Variants in SPTB observed in about 807,000 individuals in gnomAD.
SPTB encodes the protein spectrin beta, erythrocytic, also known as spectrin beta chain, erythrocytic.
A neutral mutation model predicts 256.2 loss-of-function variants in SPTB; 45 were observed. The ratio of observed to expected loss-of-function variants is 0.18; its 90% confidence interval spans 0.14 to 0.23. The LOEUF is 0.23. Ranked by LOEUF, SPTB falls within the 10% of genes least tolerant of loss-of-function variation. The probability of loss-of-function intolerance (pLI) is 1.00; values close to 1 mark genes in which losing one functional copy is unlikely to be tolerated. For synonymous variants in SPTB, 1,231 were observed against 1,243.1 expected (o/e 0.99, Z 0.21); for missense variants, 2,715 against 3,040.4 (o/e 0.89, Z 2.52).
At position 64,766,739 on chromosome 14, in the gene SPTB, T is replaced by C; in HGVS notation, c.6332A>G (p.Glu2111Gly). ...EAPVSHHAATERTSPGEEEGT... is the reference protein window; with the variant it reads ...EAPVSHHAATGRTSPGEEEGT... ...CCAGAGACTGACCGGGGACGTTCTC[T>C]CGGTGGCCGCATGGTGGGAAACTGG... The change falls in exon 32 of 36, where the codon GAG becomes GGG. Residue 2111 changes from glutamate to glycine, a missense_variant. Glu to Gly is a moderately conservative substitution (Grantham distance 98). Around this residue, in one of 4 missense-constraint regions of SPTB, gnomAD observed 2,239 missense variants for 2,384.4 expected, o/e 0.94. Coordinates refer to ENST00000644917, the MANE Select transcript of SPTB (RefSeq NM_001355436.2). 1.9e-6 allele frequency: 3 copies of C among 1,613,294 alleles called. No individual in the cohort carries two copies. The highest frequency in any genetic ancestry group is 2.5e-6 in the Non-Finnish European group (3 of 1,179,936).
At chr14:64,855,965 C>T (rs1180080782) in intron 1 of SPTB, among the ~76,000 whole-genome samples, 7 of 152,210 alleles carry the variant, frequency 4.6e-5, no homozygotes, top group Non-Finnish European at 8.8e-5. Flanking sequence ...TGCAGAGCTG[C>T]GGAAGCACTG....
chr14:64,848,501 T>C (rs1347064349), intron 1 of SPTB, among the ~76,000 whole-genome samples: 2 of 152,220 alleles, frequency 1.3e-5, no homozygotes, highest in African/African-American at 2.4e-5. Flanking sequence ...TTTCAGCTCA[T>C]GGTTGAAATA....
intron 4 of SPTB, 49 bp downstream of exon 4, chr14:64,803,558 G>T: frequency 6.2e-7 from 1 of 1,609,564 alleles, no homozygotes; most frequent in Non-Finnish European, 8.5e-7. Context: ...CTAAGGCCCT[G>T]GGCAGCCTTG....
Position 64,793,637 on chromosome 14 carries a change from G to C in SPTB, c.2026C>G (p.Gln676Glu). The change falls in exon 14 of 36, where the codon CAG becomes GAG. Residue 676 changes from glutamine to glutamate, a missense_variant. Gln to Glu is a conservative substitution (Grantham distance 29, BLOSUM62 2). Around this residue, in one of 4 missense-constraint regions of SPTB, gnomAD observed 2,239 missense variants for 2,384.4 expected, o/e 0.94. Transcript: ENST00000644917. This position sits in a 1 kb window ranked among gnomAD's most constrained non-coding sequence, Gnocchi z 7.0. The stretch of plus-strand genomic sequence containing the variant: ...TCCTCAAAGGCCTTGTGCTTGCGCT[G>C]TAAGATGAGCACACTGGTCAGGTCT... ...GKDLTSVLILQRKHKAFEDEL... is the reference protein window; with the variant it reads ...GKDLTSVLILERKHKAFEDEL... 6.2e-7 allele frequency: 1 copy of C among 1,614,184 alleles called. No individual in the cohort carries two copies. The highest frequency in any genetic ancestry group is 8.5e-7 in the Non-Finnish European group (1 of 1,180,048).
intron 8 of SPTB, 105 bp downstream of exon 8, chr14:64,800,651 G>A: frequency 1.0e-6 from 1 of 979,536 alleles, no homozygotes. Context: ...TTGGGGGGTG[G>A]GTGAGCTGTA....
At chr14:64,839,925 A>G (rs1366113334) in intron 1 of SPTB, among the ~76,000 whole-genome samples, 3 of 152,208 alleles carry the variant, frequency 2.0e-5, no homozygotes, top group Non-Finnish European at 4.4e-5. Flanking sequence ...GCCTTCATGG[A>G]AGAGATGGCA....
intron 1 of SPTB, among the ~76,000 whole-genome samples, chr14:64,831,723 G>C (rs1405867759): frequency 6.6e-6 from 1 of 152,318 alleles, no homozygotes; most frequent in East Asian, 1.9e-4. Flanking sequence ...TGGTGGCGGG[G>C]AGGTGGAAAT....
chr14:64,769,042 A>G lies in SPTB; in HGVS notation c.6014T>C (p.Leu2005Pro), dbSNP rs1254275602. ...NEKWEARWER[L>P]RMLLEVCQFS... ...TCCAGGGCTGTACTCACACATGCGG[A>G]GCCGCTCCCAGCGGGCTTCCCACTT... Residue 2005 changes from leucine to proline, a missense_variant, in exon 29 of 36, where the codon CTC (leucine) becomes CCC (proline). By Grantham distance (98) the Leu-to-Pro change is moderately conservative. Transcript: ENST00000644917. 3 of 1,613,096 alleles carry G rather than the reference A, an allele frequency of 1.9e-6. No individual in the cohort carries two copies. Among genetic ancestry groups the G allele is most frequent in the Non-Finnish European group, 2.5e-6 (3 of 1,179,930 alleles).
At chr14:64,875,510 C>T (rs1223997057) in intron 1 of SPTB, among the ~76,000 whole-genome samples, 1 of 152,220 alleles carries the variant, frequency 6.6e-6, no homozygotes, top group Non-Finnish European at 1.5e-5. Flanking sequence ...TCCTCAATCA[C>T]TATCTCCATC....
intron 18 of SPTB, among the ~76,000 whole-genome samples, chr14:64,784,906 T>C (rs2082538478): frequency 2.0e-5 from 3 of 152,170 alleles, no homozygotes; most frequent in Non-Finnish European, 2.9e-5. Flanking sequence ...GTACTGTCAA[T>C]GGAGGGACCT....
chr14:64,772,686 T>C lies in SPTB; in HGVS notation c.5447A>G (p.Lys1816Arg). The change falls in exon 26 of 36, where the codon AAG becomes AGG. Residue 1816 changes from lysine to arginine, a missense_variant. By Grantham distance (26) the Lys-to-Arg change is conservative. Around this residue, in one of 4 missense-constraint regions of SPTB, gnomAD observed 2,239 missense variants for 2,384.4 expected, o/e 0.94. Transcript: ENST00000644917. This position sits in a 1 kb window ranked among gnomAD's most constrained non-coding sequence, Gnocchi z 5.4. ...GAEILGLIDE[K>R]HRELPEDVGL... is the part of the protein sequence containing the mutation. ...CACGTCCTCGGGCAGCTCGCGGTGCTTCTCGTCGATGAGGCCCAGGATCTC... is the reference window on the plus strand; with the variant it reads ...CACGTCCTCGGGCAGCTCGCGGTGCCTCTCGTCGATGAGGCCCAGGATCTC... 1 of 1,613,752 alleles carries C rather than the reference T, an allele frequency of 6.2e-7. No homozygotes were observed. The highest frequency in any genetic ancestry group is 8.5e-7 in the Non-Finnish European group (1 of 1,179,922).
rs1264640461 is a variant in SPTB at position 64,764,478 on chromosome 14, T to A, written c.6345+2248A>T. ...GGCACAAGCCAGTCTTCCCATCTGC[T>A]GGAGTGGCTGGCTCTCCGGAAAGGG... On this transcript the variant is annotated intron_variant, in intron 32 of 35. Transcript: ENST00000644917. The surrounding 1 kb of genome is among the most constrained non-coding windows in gnomAD (Gnocchi z 4.2). Among the ~76,000 whole-genome samples, 4 of 152,194 alleles carry A rather than the reference T, an allele frequency of 2.6e-5. No homozygotes were observed. The highest frequency in any genetic ancestry group is 5.9e-5 in the Non-Finnish European group (4 of 68,038).
At chr14:64,814,528 A>G (rs1432608674) in intron 2 of SPTB, among the ~76,000 whole-genome samples, 1 of 152,118 alleles carries the variant, frequency 6.6e-6, no homozygotes, top group Non-Finnish European at 1.5e-5. Context: ...TTATTTATTT[A>G]TTTTTGAGGC....
At chr14:64,752,169 C>A in intron 33 of SPTB, 1 of 1,337,220 alleles carries the variant, frequency 7.5e-7, no homozygotes, top group Non-Finnish European at 9.9e-7. Flanking sequence ...GTGAGGGAAT[C>A]AAACTGATAA....
At position 64,827,411 on chromosome 14, in the gene SPTB, T is replaced by C. The variant is rs1402524653; in HGVS notation, c.-51-4266A>G. ...CAGTATTGCTCCTTCCACTGTATTG[T>C]TATCTTCTCTCTAGCTGTAAGGTTT... is the stretch of plus-strand genomic sequence containing the variant. On this transcript the variant is annotated intron_variant, in intron 1 of 35. Transcript: ENST00000644917. The surrounding 1 kb of genome is among the most constrained non-coding windows in gnomAD (Gnocchi z 4.6). Among the ~76,000 whole-genome samples, 2 of 152,220 alleles carry C rather than the reference T, an allele frequency of 1.3e-5. No homozygotes were observed. The highest frequency in any genetic ancestry group is 2.9e-5 in the Non-Finnish European group (2 of 68,042).
intron 1 of SPTB, among the ~76,000 whole-genome samples, chr14:64,835,365 C>A (rs965571071): frequency 1.3e-5 from 2 of 152,294 alleles, no homozygotes; most frequent in Non-Finnish European, 2.9e-5. Context: ...TCTGCCTCAG[C>A]CTCCTGAGTA....
chr14:64,864,780 C>A (rs973821454), intron 1 of SPTB, among the ~76,000 whole-genome samples: 1 of 151,930 alleles, frequency 6.6e-6, no homozygotes, highest in African/African-American at 2.4e-5. Flanking sequence ...ATAACATGTT[C>A]GTGTTATAAT....
intron 30 of SPTB, 73 bp downstream of exon 30, chr14:64,767,590 G>A: frequency 6.3e-7 from 1 of 1,574,966 alleles, no homozygotes; most frequent in East Asian, 2.2e-5. Flanking sequence ...CAACTGGCCT[G>A]GAGTCCTTAC....
At chr14:64,837,247 A>G (rs992327717) in intron 1 of SPTB, among the ~76,000 whole-genome samples, 1 of 152,184 alleles carries the variant, frequency 6.6e-6, no homozygotes, top group African/African-American at 2.4e-5. Flanking sequence ...AGATTTGATA[A>G]ATTTTCCAAC....
Sources: allele counts gnomAD v4.1 joint callset (sites outside exome capture counted in the v4.1 genomes callset), GRCh38; gene constraint gnomAD v4.1.1; regional missense constraint gnomAD v4.1.1; non-coding constraint Gnocchi (gnomAD v3.1); transcripts MANE v1.5; gene names NCBI Gene and HGNC (gene_info 2026-07-23, HGNC 2026-07-21).